Variants in AFF1 observed in about 807,000 individuals in gnomAD.
The protein encoded by AFF1 is AF4/FMR2 family member 1.
A neutral mutation model predicts 121.7 loss-of-function variants in AFF1; 48 were observed. That is an observed-to-expected ratio of 0.39 (90% CI 0.31 to 0.50). The LOEUF is 0.50. AFF1 is among the 20% of genes least tolerant of loss of function. The pLI, the probability that AFF1 is intolerant of heterozygous loss-of-function variation, is 0.76. For synonymous variants in AFF1, 613 were observed against 563.0 expected (o/e 1.09, Z -1.26); for missense variants, 1,523 against 1,511.7 (o/e 1.01, Z -0.12).
At chr4:87,122,630 C>T (rs921123480) in intron 12 of AFF1, among the ~76,000 whole-genome samples, 15 of 152,044 alleles carry the variant, frequency 9.9e-5, no homozygotes, top group African/African-American at 3.6e-4. Context: ...TACATTTTTC[C>T]AACTTCTCTA....
intron 8 of AFF1, among the ~76,000 whole-genome samples, chr4:87,103,265 G>A (rs1013717766): frequency 5.9e-5 from 9 of 152,182 alleles, no homozygotes; most frequent in African/African-American, 1.9e-4. Context: ...CAGTAAATCA[G>A]GCTTTCTGGA....
chr4:87,022,570 A>ATC lies in AFF1; in HGVS notation c.39-23595_39-23594insCT, dbSNP rs1728049483. 3.5e-5 allele frequency among the ~76,000 whole-genome samples: 3 copies of ATC among 85,960 alleles called. No individual in the cohort carries two copies. The East Asian group carries it at 9.5e-4, about 27-fold the overall frequency. The allele number at this position is 85,960 out of a possible 152,430, so 56.4% of individuals were successfully genotyped here. A position where few individuals can be genotyped will look rare whatever the true frequency, so the allele number is the denominator to read the frequency against. ...TATATATATATATATATATATATAT[A>ATC]TATATATATATATCTATCTATATCT... On this transcript the variant is annotated intron_variant, in intron 2 of 20. Coordinates refer to ENST00000395146, the MANE Select transcript of AFF1 (RefSeq NM_001166693.3).
At position 87,134,488 on chromosome 4, in the gene AFF1, C is replaced by G; in HGVS notation, c.3329C>G (p.Ser1110Cys). ...CCTCCCAGAAGCACAGGCACACCAT[C>G]CCCTCTTTCCCCAATGCCTTCTCCT... The part of the protein sequence containing the change: ...PCIARSTGTP[S>C]PLSPMPSPAS... The change falls in exon 20 of 21, where the codon TCC becomes TGC. Residue 1110 changes from serine to cysteine, a missense_variant. By Grantham distance (112) the Ser-to-Cys change is moderately radical. This residue lies in a region of AFF1 where 241 missense variants were observed against 265.2 expected (regional missense o/e 0.91). Coordinates refer to ENST00000395146, the MANE Select transcript of AFF1 (RefSeq NM_001166693.3). 3 of 1,604,324 alleles carry G rather than the reference C, an allele frequency of 1.9e-6. No homozygotes were observed. The highest frequency in any genetic ancestry group is 2.6e-6 in the Non-Finnish European group (3 of 1,175,394).
chr4:87,076,393 G>A (rs376806037), intron 4 of AFF1, among the ~76,000 whole-genome samples: 31 of 152,156 alleles, frequency 2.0e-4, no homozygotes, highest in Middle Eastern at 3.2e-3. Flanking sequence ...ACGTTAAAAA[G>A]AGTCAGGGAA....
rs529506814 is a variant in AFF1, at chr4:86,998,078, A to G, written c.39-48088A>G. On this transcript the variant is annotated intron_variant, in intron 2 of 20. Transcript: ENST00000395146. ...GTGCCATTGCACTCTGGCCTAGGCA[A>G]TAAGAGCGAAACTCCGTCTCAAAAA... Among the ~76,000 whole-genome samples the G allele has an allele frequency of 8.9e-5, 12 of 135,280 alleles. No homozygotes were observed. The South Asian group carries it at 2.7e-3, about 31-fold the overall frequency. 88.7% of individuals were successfully genotyped at this position (135,280 alleles called of 152,430 possible).
intron 2 of AFF1, among the ~76,000 whole-genome samples, chr4:87,002,046 A>T (rs1358695308): frequency 1.3e-5 from 2 of 152,032 alleles, no homozygotes; most frequent in Non-Finnish European, 2.9e-5. Flanking sequence ...CATACATTGA[A>T]TGAGGTATGT....
intron 2 of AFF1, among the ~76,000 whole-genome samples, chr4:86,964,126 T>TG (rs1222971334): frequency 1.4e-5 from 2 of 142,504 alleles, no homozygotes; most frequent in African/African-American, 5.2e-5. Context: ...GTTGTTCTTT[T>TG]GGTTTTTTTT....
At position 87,108,297 on chromosome 4, in the gene AFF1, A is replaced by G. The variant is rs897574398; in HGVS notation, c.1515A>G (p.Leu505=). 1 of 1,613,618 alleles carries G rather than the reference A, an allele frequency of 6.2e-7. No homozygotes were observed. Among genetic ancestry groups the G allele is most frequent in the Non-Finnish European group, 8.5e-7 (1 of 1,179,910 alleles). The change falls in exon 11 of 21, where the codon CTA becomes CTG. Residue 505 remains leucine, a synonymous_variant. Coordinates refer to ENST00000395146, the MANE Select transcript of AFF1 (RefSeq NM_001166693.3). ...GTGACAGCGAAGAAAATGAGCCCCT[A>G]GAAACCCCAGCTCCGGAGGTACCGT... ...SSSDSEENEP[L]ETPAPEPEPP...
intron 15 of AFF1, 41 bp downstream of exon 15, chr4:87,127,158 GTTTTGC>G (rs763398733): frequency 1.3e-4 from 148 of 1,121,678 alleles, no homozygotes; most frequent in Middle Eastern, 2.5e-4. Flanking sequence ...GTTTTGTTTT[GTTTTGC>G]TTCCCCCCCC....
chr4:87,113,785 G>A (rs1320465833), intron 11 of AFF1, among the ~76,000 whole-genome samples: 1 of 152,196 alleles, frequency 6.6e-6, no homozygotes, highest in Admixed American at 6.5e-5. Flanking sequence ...AGGATCACTT[G>A]AGGCCAGGAG....
At chr4:87,114,300 A>C in intron 11 of AFF1, 67 bp from the exon 12 acceptor site, 1 of 1,398,188 alleles carries the variant, frequency 7.2e-7, no homozygotes, top group Non-Finnish European at 9.6e-7. Context: ...TAATTGGGTG[A>C]CTAACACAAA....
chr4:86,959,945 G>GC (rs1560502673), intron 2 of AFF1, among the ~76,000 whole-genome samples: 2 of 152,134 alleles, frequency 1.3e-5, no homozygotes, highest in Non-Finnish European at 2.9e-5. Context: ...CTAACTGGGG[G>GC]CCAGGGCCTC....
intron 2 of AFF1, among the ~76,000 whole-genome samples, chr4:87,032,578 T>G (rs889192726): frequency 1.3e-5 from 2 of 152,226 alleles, no homozygotes; most frequent in African/African-American, 4.8e-5. Flanking sequence ...CCATGTGTTG[T>G]TTGCTAGGAG....
At chr4:87,095,500 G>A (rs1201469165) in intron 8 of AFF1, among the ~76,000 whole-genome samples, 1 of 152,166 alleles carries the variant, frequency 6.6e-6, no homozygotes, top group Non-Finnish European at 1.5e-5. Context: ...GGGGGAAAAA[G>A]GGTTTTTGAG....
chr4:87,044,761 G>GA (rs965978947), intron 2 of AFF1, among the ~76,000 whole-genome samples: 7 of 152,194 alleles, frequency 4.6e-5, no homozygotes, highest in Admixed American at 3.3e-4. Flanking sequence ...GAGCCTGGTG[G>GA]AAATTAGAGC....
chr4:87,016,074 G>A (rs1007506371), intron 2 of AFF1, among the ~76,000 whole-genome samples: 3 of 152,044 alleles, frequency 2.0e-5, no homozygotes, highest in Non-Finnish European at 4.4e-5. Flanking sequence ...CCAGCTACTC[G>A]GGAGGCTGAG....
chr4:86,998,456 T>C (rs932839409), intron 2 of AFF1, among the ~76,000 whole-genome samples: 2 of 152,220 alleles, frequency 1.3e-5, no homozygotes, highest in Non-Finnish European at 2.9e-5. Flanking sequence ...GTTCATTTTA[T>C]AACGTTTAGA....
Position 87,106,527 on chromosome 4 carries a change from ACTT to A in AFF1, c.1376+686_1376+688del, listed in dbSNP as rs1391224590. Among the ~76,000 whole-genome samples the A allele has an allele frequency of 7.2e-5, 11 of 152,360 alleles. No homozygotes were observed. In the East Asian group the frequency reaches 9.6e-4, roughly 13 times the overall value. ...TCAATAAAGCTCAGTTATTTCCAGA[ACTT>A]CTTTTCCATTATGCCTGTTTTCTTA... On this transcript the variant is annotated intron_variant, in intron 10 of 20. Transcript: ENST00000395146.
intron 2 of AFF1, among the ~76,000 whole-genome samples, chr4:87,030,057 C>T (rs971114177): frequency 6.6e-6 from 1 of 152,114 alleles, no homozygotes; most frequent in Admixed American, 6.5e-5. Context: ...GGAGAAATTG[C>T]TGTCACTGAA....
Sources: gnomAD v4.1 joint callset for allele counts (sites outside exome capture counted in the v4.1 genomes callset) on GRCh38, gnomAD v4.1.1 for gene constraint, gnomAD v4.1.1 regional missense constraint, MANE v1.5 for transcripts, NCBI Gene and HGNC (gene_info 2026-07-23, HGNC 2026-07-21) for gene names.